Variants in TRAPPC10 observed in about 807,000 individuals in gnomAD.
The protein encoded by TRAPPC10 is TRAPP 130 kDa subunit.
In TRAPPC10, 23 loss-of-function variants were observed where a neutral mutation model predicts 125.5. That is an observed-to-expected ratio of 0.18 (90% CI 0.13 to 0.26). The LOEUF (loss-of-function observed/expected upper bound fraction) is 0.26, where lower values mean the gene tolerates loss of function less well. TRAPPC10 is among the 10% of genes least tolerant of loss of function. The probability of loss-of-function intolerance (pLI) is 1.00; values close to 1 mark genes in which losing one functional copy is unlikely to be tolerated. For synonymous variants in TRAPPC10, 509 were observed against 518.0 expected (o/e 0.98, Z 0.24); for missense variants, 1,123 against 1,308.4 (o/e 0.86, Z 2.19).
chr21:44,084,313 G>C, intron 15 of TRAPPC10, 50 bp downstream of exon 15: 2 of 1,570,676 alleles, frequency 1.3e-6, no homozygotes. Flanking sequence ...GGGCAGTTCT[G>C]AGGAGACCTG....
At chr21:44,040,347 T>C (rs1339993372) in intron 3 of TRAPPC10, among the ~76,000 whole-genome samples, 1 of 150,740 alleles carries the variant, frequency 6.6e-6, no homozygotes, top group Non-Finnish European at 1.5e-5. Context: ...ATTCTCTCTC[T>C]CTTTTTTTTT....
chr21:44,089,773 G>A (rs1451158267), intron 17 of TRAPPC10, 60 bp from the exon 18 acceptor site: 3 of 1,332,862 alleles, frequency 2.3e-6, no homozygotes, highest in African/African-American at 2.9e-5. Flanking sequence ...GGCAGCAGTG[G>A]TGGTGGCTGT....
Position 44,046,802 on chromosome 21 carries a change from C to G in TRAPPC10, c.286-5478C>G. 5.6e-6 allele frequency: 3 copies of G among 534,730 alleles called. No homozygotes were observed. In the South Asian group the frequency reaches 6.0e-5, roughly 11 times the overall value. The allele number at this position is 534,730 out of a possible 1,614,324, so 33.1% of individuals were successfully genotyped here. ...GGATTACAGGCATAAGCCACCGCAC[C>G]CGGCCACCTTTAAGTCTTTTGATGC... On this transcript the variant is annotated intron_variant, in intron 3 of 22. Coordinates refer to ENST00000291574, the MANE Select transcript of TRAPPC10 (RefSeq NM_003274.5).
intron 3 of TRAPPC10, chr21:44,047,112 C>T (rs2034882591): frequency 3.4e-6 from 2 of 591,548 alleles, no homozygotes; most frequent in Non-Finnish European, 6.4e-6. Context: ...GAGATCCCAC[C>T]ACCTACTCCT....
At chr21:44,068,455 C>T (rs1246506432) in intron 7 of TRAPPC10, among the ~76,000 whole-genome samples, 1 of 152,102 alleles carries the variant, frequency 6.6e-6, no homozygotes, top group Non-Finnish European at 1.5e-5. Context: ...TTGAAGCTTG[C>T]CCTTTGTTCT....
At chr21:44,041,511 G>A (rs1372678210) in intron 3 of TRAPPC10, among the ~76,000 whole-genome samples, 1 of 151,864 alleles carries the variant, frequency 6.6e-6, no homozygotes, top group Admixed American at 6.6e-5. Flanking sequence ...CGAGTAGCTG[G>A]GATTACAGGC....
chr21:44,083,081 G>A lies in TRAPPC10; in HGVS notation c.2017G>A (p.Ala673Thr), dbSNP rs746025431. The change falls in exon 14 of 23, where the codon GCG becomes ACG. Residue 673 changes from alanine (A) to threonine (T), a missense_variant. By Grantham distance (58) the Ala-to-Thr change is moderately conservative. This residue lies in a region of TRAPPC10 where 840 missense variants were observed against 902.0 expected (regional missense o/e 0.93). Transcript: ENST00000291574. ...CCCTGTATCCCAAAACAGTTTGCCC[G>A]CGCTGGAGTTGTATGAAATGTTTGA... Reference protein sequence around the residue: ...PFPVSQNSLPALELYEMFERS... With the variant: ...PFPVSQNSLPTLELYEMFERS... 9.9e-6 allele frequency: 16 copies of A among 1,613,904 alleles called. No individual in the cohort carries two copies. The highest frequency in any genetic ancestry group is 5.0e-5 in the Admixed American group (3 of 59,986).
At chr21:44,066,550 C>T (rs969158516) in intron 7 of TRAPPC10, among the ~76,000 whole-genome samples, 2 of 152,136 alleles carry the variant, frequency 1.3e-5, no homozygotes, top group African/African-American at 4.8e-5. Flanking sequence ...ATTTTCCCTC[C>T]ATTTACAAAA....
chr21:44,064,394 C>T (rs1341406240), intron 7 of TRAPPC10, among the ~76,000 whole-genome samples: 1 of 151,980 alleles, frequency 6.6e-6, no homozygotes, highest in Non-Finnish European at 1.5e-5. Flanking sequence ...TTCACCCAAG[C>T]ACTGAACTCT....
At chr21:44,091,168 G>A (rs1207220358) in intron 18 of TRAPPC10, among the ~76,000 whole-genome samples, 1 of 152,182 alleles carries the variant, frequency 6.6e-6, no homozygotes, top group Non-Finnish European at 1.5e-5. Context: ...CCCAGCCTGG[G>A]CGACAAGAGC....
Position 44,063,554 on chromosome 21 carries a change from G to A in TRAPPC10, c.807G>A (p.Leu269=). The change falls in exon 7 of 23, where the codon CTG becomes CTA. Residue 269 remains leucine (L), a synonymous_variant. Transcript: ENST00000291574. The surrounding 1 kb of genome is among the most constrained non-coding windows in gnomAD (Gnocchi z 4.4). ...NFGAGDGANW[L]TFFCQPVKSW... ...TTTGTTTAGATGGTGCCAACTGGCTGACTTTTTTCTGCCAGCCAGTGAAGA... is the reference window on the plus strand; with the variant it reads ...TTTGTTTAGATGGTGCCAACTGGCTAACTTTTTTCTGCCAGCCAGTGAAGA... 6.2e-7 allele frequency: 1 copy of A among 1,614,170 alleles called. No homozygotes were observed. The highest frequency in any genetic ancestry group is 8.5e-7 in the Non-Finnish European group (1 of 1,180,040).
intron 18 of TRAPPC10, 180 bp from the exon 19 acceptor site, chr21:44,091,743 G>C: frequency 1.7e-6 from 1 of 594,134 alleles, no homozygotes; most frequent in East Asian, 3.5e-5. Flanking sequence ...CGGCCAAAAA[G>C]GTTTATTTTC....
intron 20 of TRAPPC10, among the ~76,000 whole-genome samples, chr21:44,095,468 C>T (rs2038869978): frequency 6.6e-6 from 1 of 151,810 alleles, no homozygotes; most frequent in South Asian, 2.1e-4. Flanking sequence ...AAACTCTCTA[C>T]CTCAGGTGAT....
chr21:44,018,571 C>A (rs1390514874), intron 1 of TRAPPC10, among the ~76,000 whole-genome samples: 1 of 151,760 alleles, frequency 6.6e-6, no homozygotes, highest in Non-Finnish European at 1.5e-5. Flanking sequence ...TGGTGGCTCG[C>A]GTCTGTAGTC....
intron 4 of TRAPPC10, among the ~76,000 whole-genome samples, 193 bp downstream of exon 4, chr21:44,052,669 C>T (rs905382752): frequency 2.0e-5 from 3 of 151,914 alleles, no homozygotes; most frequent in Admixed American, 6.6e-5. Flanking sequence ...AGTCATCCCC[C>T]GAGTGTGCTG....
Position 44,037,817 on chromosome 21 carries a change from A to G in TRAPPC10, c.175A>G (p.Ile59Val), listed in dbSNP as rs2034100188. Residue 59 changes from isoleucine (I) to valine (V), a missense_variant, in exon 3 of 23, where the codon ATT becomes GTT. Transcript: ENST00000291574. Reference protein sequence around the residue: ...RRSYGRAPKMIHLESNFVQFK... With the variant: ...RRSYGRAPKMVHLESNFVQFK... ...GTCCTATGGCCGGGCTCCGAAGATG[A>G]TTCACCTAGAGTCTAACTTTGTTCA... The G allele has an allele frequency of 6.2e-7, 1 of 1,613,830 alleles. No individual in the cohort carries two copies. Among genetic ancestry groups the G allele is most frequent in the Admixed American group, 1.7e-5 (1 of 59,904 alleles).
intron 7 of TRAPPC10, among the ~76,000 whole-genome samples, chr21:44,069,640 C>T (rs191091796): frequency 6.6e-6 from 1 of 152,250 alleles, no homozygotes; most frequent in East Asian, 1.9e-4. Context: ...CCAGCACATC[C>T]ACCCCTGGTG....
chr21:44,080,019 C>T lies in TRAPPC10; in HGVS notation c.1615C>T (p.Leu539=), dbSNP rs2037576812. Residue 539 remains leucine, a synonymous_variant, in exon 13 of 23, where the codon CTG becomes TTG. Coordinates refer to ENST00000291574, the MANE Select transcript of TRAPPC10 (RefSeq NM_003274.5). ...QKHLGQIENY[L]QTSSLLASDH... ...CTCCTTACCTCTCCGCTCCAGCTAC[C>T]TGCAGACCAGCAGCCTCTTAGCCAG... The T allele has an allele frequency of 6.2e-7, 1 of 1,613,944 alleles. No individual in the cohort carries two copies. The highest frequency in any genetic ancestry group is 1.1e-5 in the South Asian group (1 of 91,068).
intron 2 of TRAPPC10, among the ~76,000 whole-genome samples, chr21:44,034,686 G>A (rs1465951556): frequency 2.6e-5 from 4 of 152,162 alleles, no homozygotes; most frequent in Admixed American, 6.5e-5. Context: ...AAGGGTCTTC[G>A]CAGATATGGT....
Sources: allele counts gnomAD v4.1 joint callset (sites outside exome capture counted in the v4.1 genomes callset), GRCh38; gene constraint gnomAD v4.1.1; regional missense constraint gnomAD v4.1.1; non-coding constraint Gnocchi (gnomAD v3.1); transcripts MANE v1.5; gene names NCBI Gene and HGNC (gene_info 2026-07-23, HGNC 2026-07-21).